MTMR3: variants seen among roughly 807,000 people sequenced by gnomAD.
The protein encoded by MTMR3 is myotubularin related protein 3, also known as phosphatidylinositol-3,5-bisphosphate 3-phosphatase MTMR3.
Under a neutral mutation model 132.4 loss-of-function variants are expected in MTMR3, and 32 were observed. The ratio of observed to expected loss-of-function variants is 0.24; its 90% confidence interval spans 0.18 to 0.32. The LOEUF (loss-of-function observed/expected upper bound fraction) is 0.32, where lower values mean the gene tolerates loss of function less well. MTMR3 is among the 10% of genes least tolerant of loss of function. The probability of loss-of-function intolerance (pLI) is 1.00; values close to 1 mark genes in which losing one functional copy is unlikely to be tolerated. For missense variants in MTMR3, 1,216 were observed against 1,489.6 expected, an observed-to-expected ratio of 0.82 and a Z score of 3.02; for synonymous variants, 556 against 550.3, an observed-to-expected ratio of 1.01 and a Z score of -0.14.
intron 1 of MTMR3, among the ~76,000 whole-genome samples, chr22:29,931,357 A>G (rs1340567408): frequency 6.6e-6 from 1 of 152,204 alleles, no homozygotes; most frequent in African/African-American, 2.4e-5. Flanking sequence ...TATTGCTTTG[A>G]ACAAAGGAGG....
At chr22:29,973,267 C>T (rs1184159875) in intron 3 of MTMR3, among the ~76,000 whole-genome samples, 1 of 152,140 alleles carries the variant, frequency 6.6e-6, no homozygotes, top group Non-Finnish European at 1.5e-5. Context: ...TAAGCATTAG[C>T]AAAATATATT....
intron 1 of MTMR3, among the ~76,000 whole-genome samples, chr22:29,954,183 G>A (rs1181005974): frequency 6.8e-6 from 1 of 146,866 alleles, no homozygotes; most frequent in Non-Finnish European, 1.5e-5. Context: ...CTGGGCTCAA[G>A]CAACCCTCCT....
intron 1 of MTMR3, among the ~76,000 whole-genome samples, chr22:29,903,246 AAAAG>A (rs1777248056): frequency 6.6e-6 from 1 of 152,170 alleles, no homozygotes; most frequent in South Asian, 2.1e-4. Flanking sequence ...ATAAAAATAA[AAAAG>A]AAAAGAGTTT....
rs7291902 is a variant in MTMR3 at position 29,916,110 on chromosome 22, C to T, written c.-138+32751C>T. 4.5e-3 allele frequency among the ~76,000 whole-genome samples: 681 copies of T among 152,224 alleles called. 6 individuals carry two copies. Among genetic ancestry groups the T allele is most frequent in the African/African-American group, 0.015 (643 of 41,534 alleles). ...AGAAAATCCATAATTCAACGTTAGG[C>T]TTGTTTTTATTTAAAGCTTTGTTCA... On this transcript the variant is annotated intron_variant, in intron 1 of 19. Transcript: ENST00000401950.
intron 1 of MTMR3, among the ~76,000 whole-genome samples, chr22:29,928,850 G>A (rs543574101): frequency 1.1e-4 from 17 of 152,232 alleles, no homozygotes; most frequent in Admixed American, 9.2e-4. Context: ...GAATATTTGC[G>A]CCGACTTTGT....
intron 1 of MTMR3, among the ~76,000 whole-genome samples, chr22:29,923,367 C>G (rs1003079064): frequency 8.6e-5 from 13 of 151,528 alleles, no homozygotes; most frequent in Non-Finnish European, 1.0e-4. Flanking sequence ...CCACTGTGCC[C>G]AGCTTGTATT....
intron 1 of MTMR3, among the ~76,000 whole-genome samples, chr22:29,907,595 G>A (rs1038172932): frequency 1.3e-5 from 2 of 152,006 alleles, no homozygotes; most frequent in Non-Finnish European, 2.9e-5. Context: ...CTTTCCTCAA[G>A]GGCATAAAAA....
intron 12 of MTMR3, chr22:30,009,752 A>G (rs1377431196): frequency 6.6e-6 from 1 of 152,258 alleles, no homozygotes; most frequent in Non-Finnish European, 1.5e-5. Context: ...TAAATTAGGA[A>G]GAATGCTCTG....
chr22:30,023,692 T>A, intron 19 of MTMR3: 1 of 594,428 alleles, frequency 1.7e-6, no homozygotes, highest in East Asian at 2.9e-5. Flanking sequence ...GCTCCCCTCC[T>A]GATCACAGAG....
intron 1 of MTMR3, among the ~76,000 whole-genome samples, chr22:29,922,088 G>A (rs1011664208): frequency 5.3e-5 from 8 of 151,030 alleles, no homozygotes; most frequent in Non-Finnish European, 1.0e-4. Context: ...GTGCAGTGTC[G>A]CCATCTGTGC....
intron 1 of MTMR3, among the ~76,000 whole-genome samples, chr22:29,886,333 A>C (rs2145693433): frequency 6.6e-6 from 1 of 152,310 alleles, no homozygotes; most frequent in Non-Finnish European, 1.5e-5. Context: ...TGTCATGAAC[A>C]TTATCGAGTC....
intron 7 of MTMR3, chr22:29,995,242 A>G (rs2067039181): frequency 6.6e-6 from 1 of 152,246 alleles, no homozygotes; most frequent in African/African-American, 2.4e-5. Flanking sequence ...AGTTGCATCT[A>G]GAGGATTTAC....
At chr22:29,937,584 C>T (rs2065776444) in intron 1 of MTMR3, among the ~76,000 whole-genome samples, 1 of 152,044 alleles carries the variant, frequency 6.6e-6, no homozygotes, top group Admixed American at 6.6e-5. Context: ...CGCACCCAAA[C>T]TTTATTTGTT....
At chr22:30,009,444 C>T (rs971142042) in intron 12 of MTMR3, 8 of 242,726 alleles carry the variant, frequency 3.3e-5, no homozygotes, top group South Asian at 7.5e-5. Context: ...TTCCCTTCCA[C>T]GTCATTTTTA....
intron 5 of MTMR3, chr22:29,988,212 T>G (rs1397538505): frequency 7.8e-6 from 2 of 255,062 alleles, no homozygotes; most frequent in African/African-American, 2.2e-5. Context: ...GCCTGAGAGA[T>G]ATATTCTCCC....
chr22:30,003,529 G>A (rs1331332442), intron 9 of MTMR3: 1 of 152,170 alleles, frequency 6.6e-6, no homozygotes. Flanking sequence ...GATGGGGATG[G>A]TGGCATGGTG....
chr22:29,979,396 T>TC (rs2066694678), intron 5 of MTMR3: 1 of 221,900 alleles, frequency 4.5e-6, no homozygotes, highest in South Asian at 5.5e-5. Flanking sequence ...GGAGGCTGAG[T>TC]CAGGAGAATG....
rs1276240483 is a variant in MTMR3 at position 30,025,624 on chromosome 22, C to T, written c.3426-6C>T. On this transcript the variant is annotated splice_region_variant and splice_polypyrimidine_tract_variant and intron_variant, in intron 19 of 19. Coordinates refer to ENST00000401950, the MANE Select transcript of MTMR3 (RefSeq NM_021090.4). Reference sequence around the variant, plus strand: ...CTAACATTGTTCTGTTTCTTCTCATCTCAAGGAATTGTGGGAACGTATTCT... The same window carrying T: ...CTAACATTGTTCTGTTTCTTCTCATTTCAAGGAATTGTGGGAACGTATTCT... 2 of 1,614,170 alleles carry T rather than the reference C, an allele frequency of 1.2e-6. No homozygotes were observed. The highest frequency in any genetic ancestry group is 1.1e-5 in the South Asian group (1 of 91,090).
chr22:30,025,588 G>C (rs1430923971), intron 19 of MTMR3, 42 bp from the exon 20 acceptor site: 1 of 1,609,406 alleles, frequency 6.2e-7, no homozygotes, highest in Admixed American at 1.7e-5. Flanking sequence ...CCGCATACCT[G>C]CTGGCCAAAA....
Sources: gnomAD v4.1 joint callset for allele counts (sites outside exome capture counted in the v4.1 genomes callset) on GRCh38, gnomAD v4.1.1 for gene constraint, MANE v1.5 for transcripts, NCBI Gene and HGNC (gene_info 2026-07-23, HGNC 2026-07-21) for gene names.